TMEM132B: variants seen among roughly 807,000 people sequenced by gnomAD.
TMEM132B encodes transmembrane protein 132B.
TMEM132B carries 18 observed loss-of-function variants against 90.8 expected under a neutral mutation model. The ratio of observed to expected loss-of-function variants is 0.20; its 90% CI spans 0.14 to 0.29. The LOEUF is 0.29. TMEM132B is among the 10% of genes least tolerant of loss of function. The pLI is 1.00. For missense variants in TMEM132B, 1,096 were observed against 1,326.8 expected (o/e 0.83, Z 2.70); for synonymous variants, 504 against 523.3 (o/e 0.96, Z 0.50).
intron 5 of TMEM132B, among the ~76,000 whole-genome samples, chr12:125,632,300 C>CA (rs1886384465): frequency 6.6e-6 from 1 of 152,040 alleles, no homozygotes; most frequent in Admixed American, 6.6e-5. Context: ...ATCATCCCCC[C>CA]ACTTTTAAAC....
At chr12:125,333,866 C>A (rs1021359785) in intron 1 of TMEM132B, among the ~76,000 whole-genome samples, 2 of 152,132 alleles carry the variant, frequency 1.3e-5, no homozygotes, top group Non-Finnish European at 2.9e-5. Flanking sequence ...GCTTTTTTAA[C>A]CTCTGGCCTA....
intron 1 of TMEM132B, among the ~76,000 whole-genome samples, chr12:125,348,171 G>A (rs7297801): frequency 0.75 from 114,247 of 152,036 alleles, 43,018 homozygotes; most frequent in South Asian, 0.81. Context: ...GTATGTTTAT[G>A]TAGCTCTACC....
chr12:125,365,265 TCA>T, intron 2 of TMEM132B, among the ~76,000 whole-genome samples: 1 of 152,056 alleles, frequency 6.6e-6, no homozygotes, highest in Non-Finnish European at 1.5e-5. Context: ...GCTTAACTTT[TCA>T]CAGTCTATTT....
At chr12:125,537,628 G>A (rs1000041860) in intron 4 of TMEM132B, among the ~76,000 whole-genome samples, 1 of 152,216 alleles carries the variant, frequency 6.6e-6, no homozygotes, top group Admixed American at 6.5e-5. Context: ...AAAGGCAGAA[G>A]GGAGCAGAGG....
chr12:125,348,322 TTTA>T (rs1189770854), intron 1 of TMEM132B, among the ~76,000 whole-genome samples: 4 of 152,158 alleles, frequency 2.6e-5, no homozygotes, highest in Admixed American at 2.0e-4. Flanking sequence ...TTCTATGTGC[TTTA>T]TTTTATTTTG....
At chr12:125,494,561 C>A in intron 3 of TMEM132B, among the ~76,000 whole-genome samples, 1 of 117,270 alleles carries the variant, frequency 8.5e-6, no homozygotes, top group South Asian at 3.4e-4. Flanking sequence ...CCTCTCCTCC[C>A]TGGAAGAAAT....
chr12:125,634,255 T>G (rs1886430232), intron 5 of TMEM132B, among the ~76,000 whole-genome samples: 1 of 152,134 alleles, frequency 6.6e-6, no homozygotes, highest in African/African-American at 2.4e-5. Context: ...CAATGTTCCC[T>G]TAAGGTACAA....
intron 1 of TMEM132B, among the ~76,000 whole-genome samples, chr12:125,313,473 T>C (rs1876168480): frequency 2.7e-5 from 4 of 150,304 alleles, no homozygotes; most frequent in Middle Eastern, 6.9e-3. Context: ...TCTCTTCCTT[T>C]TTTCCCTTCC....
Position 125,408,267 on chromosome 12 carries a change from C to T in TMEM132B, c.960-7264C>T, listed in dbSNP as rs369715540. On this transcript the variant is annotated intron_variant, in intron 2 of 8. Transcript: ENST00000682704. The surrounding 1 kb of genome is among the most constrained non-coding windows in gnomAD (Gnocchi z 5.9). ...TGTTACGCTTTACCAGTTCCGTTGT[C>T]AATGGGTGCTAGGGTCTGAACGTCT... is the stretch of plus-strand genomic sequence containing the variant. Among the ~76,000 whole-genome samples the T allele has an allele frequency of 6.6e-6, 1 of 152,304 alleles. No individual in the cohort carries two copies. Among genetic ancestry groups the T allele is most frequent in the East Asian group, 1.9e-4 (1 of 5,174 alleles).
intron 1 of TMEM132B, among the ~76,000 whole-genome samples, chr12:125,261,857 G>A (rs952160273): frequency 6.6e-6 from 1 of 152,088 alleles, no homozygotes; most frequent in Non-Finnish European, 1.5e-5. Context: ...CTCTGACAGG[G>A]TCTCGCTCTG....
intron 5 of TMEM132B, among the ~76,000 whole-genome samples, chr12:125,634,156 C>T (rs1156378871): frequency 1.3e-5 from 2 of 152,184 alleles, no homozygotes; most frequent in African/African-American, 4.8e-5. Flanking sequence ...GCAGTCCTTC[C>T]CCCTCTTCCT....
intron 1 of TMEM132B, among the ~76,000 whole-genome samples, chr12:125,233,295 T>C (rs1182524370): frequency 6.6e-6 from 1 of 152,216 alleles, no homozygotes; most frequent in East Asian, 1.9e-4. Flanking sequence ...GGTGGCTCCA[T>C]GATGTCAAAA....
At chr12:125,340,282 TAAACTC>T (rs1053309294) in intron 1 of TMEM132B, among the ~76,000 whole-genome samples, 2 of 152,122 alleles carry the variant, frequency 1.3e-5, no homozygotes, top group Non-Finnish European at 2.9e-5. Flanking sequence ...TCAATTAAAA[TAAACTC>T]AAACTGCGAA....
At chr12:125,529,468 A>G (rs1883586902) in intron 4 of TMEM132B, among the ~76,000 whole-genome samples, 1 of 152,162 alleles carries the variant, frequency 6.6e-6, no homozygotes, top group Non-Finnish European at 1.5e-5. Context: ...CCAAAGGCCA[A>G]CAGGGACTTG....
intron 2 of TMEM132B, among the ~76,000 whole-genome samples, chr12:125,359,389 T>C (rs1877889779): frequency 6.6e-6 from 1 of 152,218 alleles, no homozygotes; most frequent in African/African-American, 2.4e-5. Context: ...TGTACCATTA[T>C]ATGTAATCTA....
In TMEM132B at chr12:125,654,947, T is replaced by C; in HGVS notation, c.*237T>C. ...TGGAGAAATTCTAAGACAACAGTTT[T>C]ATGGACTGCCTGGTACGAGCTCAGT... On this transcript the variant is annotated 3_prime_UTR_variant, in exon 9 of 9. Transcript: ENST00000682704. The surrounding 1 kb of genome is among the most constrained non-coding windows in gnomAD (Gnocchi z 5.8). 2.0e-6 allele frequency: 1 copy of C among 504,228 alleles called. No individual in the cohort carries two copies. The highest frequency in any genetic ancestry group is 3.5e-6 in the Non-Finnish European group (1 of 284,148). 31.2% of individuals were successfully genotyped at this position (504,228 alleles called of 1,614,324 possible). A position where few individuals can be genotyped will look rare whatever the true frequency, so the allele number is the denominator to read the frequency against.
chr12:125,507,152 CA>C, intron 3 of TMEM132B, among the ~76,000 whole-genome samples: 1 of 152,290 alleles, frequency 6.6e-6, no homozygotes, highest in East Asian at 1.9e-4. Flanking sequence ...ACCTCAGACA[CA>C]AGGATGAAAA....
chr12:125,264,042 A>G (rs1874629164), intron 1 of TMEM132B, among the ~76,000 whole-genome samples: 1 of 152,218 alleles, frequency 6.6e-6, no homozygotes, highest in Admixed American at 6.5e-5. Context: ...CTCTTAAGGA[A>G]TGGAATCAAG....
chr12:125,295,951 A>G (rs576558077), intron 1 of TMEM132B, among the ~76,000 whole-genome samples: 17 of 152,302 alleles, frequency 1.1e-4, no homozygotes, highest in Admixed American at 2.0e-4. Context: ...ATTTTAATTG[A>G]ACACTTTATA....
Sources: allele counts gnomAD v4.1 joint callset (sites outside exome capture counted in the v4.1 genomes callset), GRCh38; gene constraint gnomAD v4.1.1; non-coding constraint Gnocchi (gnomAD v3.1); transcripts MANE v1.5; gene names NCBI Gene and HGNC (gene_info 2026-07-23, HGNC 2026-07-21).